Variants in RHOJ observed in about 807,000 individuals in gnomAD.
RHOJ encodes the protein ras homolog family member J.
Under a neutral mutation model 23.4 loss-of-function variants are expected in RHOJ, and 11 were observed. The ratio of observed to expected loss-of-function variants is 0.47; its 90% CI spans 0.30 to 0.78. The LOEUF is 0.78. Among genes scored for constraint, RHOJ ranks in the 30% least tolerant of loss-of-function variants. RHOJ has a pLI of 0.08. For missense variants in RHOJ, 254 were observed against 273.4 expected (o/e 0.93, Z 0.50); for synonymous variants, 102 against 102.7 (o/e 0.99, Z 0.04).
chr14:63,229,595 G>A (rs758365638), intron 1 of RHOJ, among the ~76,000 whole-genome samples: 12 of 152,188 alleles, frequency 7.9e-5, no homozygotes, highest in Middle Eastern at 3.4e-3. Context: ...GAGGTCACTC[G>A]CAGTCTTTGA....
rs529558023 is a variant in RHOJ, at chr14:63,277,506, G to C, written c.238-3465G>C. 3.3e-5 allele frequency among the ~76,000 whole-genome samples: 5 copies of C among 152,306 alleles called. No individual in the cohort carries two copies. The South Asian group carries it at 8.3e-4, about 25-fold the overall frequency. On this transcript the variant is annotated intron_variant, in intron 2 of 4. Transcript: ENST00000316754. Reference sequence around the variant, plus strand: ...GGGTGGAGCAAGGAGTTGATTAGCAGAGCTTCAGGATGGTTTAAAAGCTCC... The same window carrying C: ...GGGTGGAGCAAGGAGTTGATTAGCACAGCTTCAGGATGGTTTAAAAGCTCC...
At chr14:63,287,880 T>C (rs573845549) in intron 4 of RHOJ, among the ~76,000 whole-genome samples, 16 of 152,104 alleles carry the variant, frequency 1.1e-4, no homozygotes, top group Non-Finnish European at 2.4e-4. Context: ...AAGGAGCAGA[T>C]GAAGTTGCTG....
rs552706431 is a variant in RHOJ, at chr14:63,291,375, A to G, written c.*351A>G. On this transcript the variant is annotated 3_prime_UTR_variant, in exon 5 of 5. Transcript: ENST00000316754. ...ATAGGAAATCACCCCAGGGAACCCG[A>G]AAAAGAAACTTGATTCCTCTATTGC... is the stretch of plus-strand genomic sequence containing the variant. The G allele has an allele frequency of 3.2e-6, 1 of 313,418 alleles. No individual in the cohort carries two copies. Among genetic ancestry groups the G allele is most frequent in the African/African-American group, 2.2e-5 (1 of 45,888 alleles). 19.4% of individuals were successfully genotyped at this position (313,418 alleles called of 1,614,324 possible). A position where few individuals can be genotyped will look rare whatever the true frequency, so the allele number is the denominator to read the frequency against.
rs972793997 is a variant in RHOJ, at chr14:63,292,368, G to A, written c.*1344G>A. On this transcript the variant is annotated 3_prime_UTR_variant, in exon 5 of 5. Transcript: ENST00000316754. ...AAAAGCTCCCAGTAAGGAATCCTGT[G>A]CCCAATGATGTAAAACAATTCCAAA... The A allele has an allele frequency of 6.6e-6, 1 of 152,130 alleles. No individual in the cohort carries two copies. The highest frequency in any genetic ancestry group is 2.4e-5 in the African/African-American group (1 of 41,422). The allele number at this position is 152,130 out of a possible 1,614,324, so 9.4% of individuals were successfully genotyped here. A position where few individuals can be genotyped will look rare whatever the true frequency, so the allele number is the denominator to read the frequency against.
chr14:63,250,168 T>A (rs905099876), intron 1 of RHOJ, among the ~76,000 whole-genome samples: 1 of 152,148 alleles, frequency 6.6e-6, no homozygotes, highest in Non-Finnish European at 1.5e-5. Flanking sequence ...CTATAAAATA[T>A]AAAAGCTCTG....
intron 1 of RHOJ, among the ~76,000 whole-genome samples, chr14:63,250,396 G>A (rs142649875): frequency 7.1e-4 from 108 of 152,064 alleles, no homozygotes; most frequent in East Asian, 2.1e-3. Flanking sequence ...ATGCCACCAC[G>A]CCCTGCTAAT....
chr14:63,259,763 G>T (rs959355546), intron 1 of RHOJ, among the ~76,000 whole-genome samples: 9 of 151,886 alleles, frequency 5.9e-5, no homozygotes, highest in African/African-American at 2.2e-4. Flanking sequence ...CATATATTAA[G>T]AAATAAAAAA....
chr14:63,235,214 A>T (rs1894767800), intron 1 of RHOJ, among the ~76,000 whole-genome samples: 1 of 152,136 alleles, frequency 6.6e-6, no homozygotes, highest in Non-Finnish European at 1.5e-5. Flanking sequence ...ACTCCAAAAA[A>T]AAAAAGAGGC....
At chr14:63,217,759 C>T (rs532695288) in intron 1 of RHOJ, among the ~76,000 whole-genome samples, 14 of 152,096 alleles carry the variant, frequency 9.2e-5, no homozygotes, top group Middle Eastern at 6.3e-3. Context: ...AGGCAACCTA[C>T]AAAATGGGAG....
chr14:63,275,781 A>T lies in RHOJ; in HGVS notation c.238-5190A>T, dbSNP rs2008762. ...AAGGGCCTCAAATACCAACTAAACC[A>T]CTTATCCACTTCTCGTAGCCGCTTG... On this transcript the variant is annotated intron_variant, in intron 2 of 4. Transcript: ENST00000316754. Among the ~76,000 whole-genome samples the T allele has an allele frequency of 2.0e-5, 3 of 152,042 alleles. No homozygotes were observed. In the East Asian group the frequency reaches 5.8e-4, roughly 29 times the overall value.
chr14:63,221,234 G>C (rs1342948285), intron 1 of RHOJ, among the ~76,000 whole-genome samples: 7 of 152,170 alleles, frequency 4.6e-5, no homozygotes, highest in Admixed American at 4.6e-4. Context: ...GGAGGCTGAG[G>C]TGGGAGGATT....
At chr14:63,268,268 T>C (rs1895403957) in intron 1 of RHOJ, among the ~76,000 whole-genome samples, 2 of 152,240 alleles carry the variant, frequency 1.3e-5, no homozygotes, top group African/African-American at 4.8e-5. Flanking sequence ...AGAATTCTAT[T>C]ACTCCTGCAT....
intron 1 of RHOJ, among the ~76,000 whole-genome samples, chr14:63,244,470 G>A (rs1894940791): frequency 6.6e-6 from 1 of 151,876 alleles, no homozygotes. Context: ...CCAGATACTT[G>A]GGAAGGCTGA....
At chr14:63,223,197 A>G (rs1470183821) in intron 1 of RHOJ, among the ~76,000 whole-genome samples, 1 of 152,152 alleles carries the variant, frequency 6.6e-6, no homozygotes, top group Non-Finnish European at 1.5e-5. Context: ...TAGAGTTGAG[A>G]AGCAGTGGTC....
intron 2 of RHOJ, among the ~76,000 whole-genome samples, chr14:63,270,091 G>A (rs1368808460): frequency 6.6e-6 from 1 of 151,426 alleles, no homozygotes; most frequent in Admixed American, 6.6e-5. Context: ...TAAATTCTTT[G>A]GAGTGAACAT....
chr14:63,238,947 TG>T (rs1894836687), intron 1 of RHOJ, among the ~76,000 whole-genome samples: 1 of 152,180 alleles, frequency 6.6e-6, no homozygotes. Flanking sequence ...GCAGCAGAGT[TG>T]GAATTGCATC....
chr14:63,270,825 A>G (rs889957429), intron 2 of RHOJ, among the ~76,000 whole-genome samples: 2 of 152,190 alleles, frequency 1.3e-5, no homozygotes, highest in East Asian at 3.8e-4. Context: ...CTTCCGAAAA[A>G]GTCTCTCTGT....
intron 1 of RHOJ, among the ~76,000 whole-genome samples, chr14:63,240,866 G>A (rs938811186): frequency 9.2e-5 from 14 of 152,154 alleles, no homozygotes; most frequent in Non-Finnish European, 1.5e-4. Context: ...GGATTCCACT[G>A]TATTGCTTTT....
intron 1 of RHOJ, among the ~76,000 whole-genome samples, chr14:63,255,155 A>C (rs1444702110): frequency 1.3e-5 from 2 of 152,064 alleles, no homozygotes; most frequent in East Asian, 1.9e-4. Flanking sequence ...CTACGCCTCA[A>C]ATCCCCCCCT....
Sources: gnomAD v4.1 joint callset for allele counts (sites outside exome capture counted in the v4.1 genomes callset) on GRCh38, gnomAD v4.1.1 for gene constraint, MANE v1.5 for transcripts, NCBI Gene and HGNC (gene_info 2026-07-23, HGNC 2026-07-21) for gene names.